Variants in DENND1A observed in about 807,000 individuals in gnomAD.
The protein encoded by DENND1A is DENN domain containing 1A.
Under a neutral mutation model 113.7 loss-of-function variants are expected in DENND1A, and 51 were observed. The ratio of observed to expected loss-of-function variants is 0.45; its 90% CI spans 0.36 to 0.57. The LOEUF is 0.57. Among genes scored for constraint, DENND1A ranks in the 20% least tolerant of loss-of-function variants. The pLI, the probability that DENND1A is intolerant of heterozygous loss-of-function variation, is 0.00. For synonymous variants in DENND1A, 565 were observed against 570.8 expected, an observed-to-expected ratio of 0.99 and a Z score of 0.14; for missense variants, 1,258 against 1,395.9, an observed-to-expected ratio of 0.90 and a Z score of 1.57.
intron 19 of DENND1A, chr9:123,437,711 T>G (rs1484659932): frequency 6.6e-6 from 1 of 152,034 alleles, no homozygotes. Flanking sequence ...TCCAAGCTGG[T>G]GAAGTGGCCC....
chr9:123,723,608 T>G (rs940454411), intron 5 of DENND1A, among the ~76,000 whole-genome samples: 1 of 152,200 alleles, frequency 6.6e-6, no homozygotes, highest in Non-Finnish European at 1.5e-5. Flanking sequence ...ATAAGTCTCA[T>G]GAAATCTGAT....
intron 13 of DENND1A, among the ~76,000 whole-genome samples, chr9:123,546,296 C>T (rs552179943): frequency 2.6e-5 from 4 of 152,226 alleles, no homozygotes; most frequent in East Asian, 1.9e-4. Flanking sequence ...CGCCTGTAAT[C>T]CCAGCACTTT....
At chr9:123,418,915 G>A (rs1434958424) in intron 19 of DENND1A, among the ~76,000 whole-genome samples, 1 of 152,270 alleles carries the variant, frequency 6.6e-6, no homozygotes, top group Non-Finnish European at 1.5e-5. Context: ...GCAGAGGGCA[G>A]ACAGCTGTTT....
intron 9 of DENND1A, among the ~76,000 whole-genome samples, chr9:123,646,658 T>C (rs2062350226): frequency 6.6e-6 from 1 of 152,112 alleles, no homozygotes. Flanking sequence ...TCCTTAGTAC[T>C]TTCCATTTCC....
chr9:123,675,188 A>T (rs1229788459), intron 6 of DENND1A, among the ~76,000 whole-genome samples: 3 of 152,210 alleles, frequency 2.0e-5, no homozygotes, highest in Admixed American at 1.3e-4. Context: ...TTTGCCAGTG[A>T]GTAAATCTAT....
chr9:123,722,797 T>C (rs2067432599), intron 5 of DENND1A, among the ~76,000 whole-genome samples: 1 of 152,230 alleles, frequency 6.6e-6, no homozygotes, highest in African/African-American at 2.4e-5. Context: ...AGGCAGAAGT[T>C]TGCTGCAGGA....
chr9:123,839,306 T>C (rs1363371007), intron 2 of DENND1A, among the ~76,000 whole-genome samples: 1 of 152,174 alleles, frequency 6.6e-6, no homozygotes, highest in Non-Finnish European at 1.5e-5. Context: ...TTCCTGTCCT[T>C]CACTGTACAA....
At chr9:123,631,820 A>G (rs1394244634) in intron 9 of DENND1A, among the ~76,000 whole-genome samples, 1 of 152,226 alleles carries the variant, frequency 6.6e-6, no homozygotes, top group Non-Finnish European at 1.5e-5. Flanking sequence ...AAAATTTAGG[A>G]AACAAAGATA....
At chr9:123,803,492 G>A (rs1025514757) in intron 2 of DENND1A, among the ~76,000 whole-genome samples, 2 of 152,076 alleles carry the variant, frequency 1.3e-5, no homozygotes, top group African/African-American at 2.4e-5. Context: ...AGAGGAATCA[G>A]AAGAGAACTC....
Position 123,381,130 on chromosome 9 carries a change from A to C in DENND1A, c.*302T>G. 3 of 389,368 alleles carry C rather than the reference A, an allele frequency of 7.7e-6. No homozygotes were observed. Among genetic ancestry groups the C allele is most frequent in the South Asian group, 2.7e-5 (1 of 37,618 alleles). The allele number at this position is 389,368 out of a possible 1,614,324, so 24.1% of individuals were successfully genotyped here. On this transcript the variant is annotated 3_prime_UTR_variant, in exon 24 of 24. Coordinates refer to ENST00000394215, the MANE Select transcript of DENND1A (RefSeq NM_001352964.2). This position sits in a 1 kb window ranked among gnomAD's most constrained non-coding sequence, Gnocchi z 4.7. ...GGTGGGTAGGACTCGGTCTGGAGCA[A>C]TATCATTGGCCCAGCTGACCTCTTT...
At chr9:123,495,896 A>G (rs549978235) in intron 13 of DENND1A, among the ~76,000 whole-genome samples, 1 of 152,366 alleles carries the variant, frequency 6.6e-6, no homozygotes, top group East Asian at 1.9e-4. Flanking sequence ...GCTGTCAGAG[A>G]GGACCCGACA....
At chr9:123,434,861 G>A (rs914802574) in intron 19 of DENND1A, among the ~76,000 whole-genome samples, 9 of 152,164 alleles carry the variant, frequency 5.9e-5, no homozygotes, top group South Asian at 2.1e-4. Flanking sequence ...CAGTGGACCC[G>A]GCAAGGCCAC....
At chr9:123,698,944 T>C (rs2065697769) in intron 5 of DENND1A, among the ~76,000 whole-genome samples, 1 of 152,188 alleles carries the variant, frequency 6.6e-6, no homozygotes, top group South Asian at 2.1e-4. Context: ...GAATTTACGG[T>C]GGCAAAAAAC....
At chr9:123,545,673 T>C (rs1380649512) in intron 13 of DENND1A, among the ~76,000 whole-genome samples, 1 of 152,036 alleles carries the variant, frequency 6.6e-6, no homozygotes, top group African/African-American at 2.4e-5. Flanking sequence ...TTCACTGTGT[T>C]AGCCAGGATG....
Position 123,868,868 on chromosome 9 carries a change from C to G in DENND1A, c.88+10083G>C, listed in dbSNP as rs986781475. 4.6e-5 allele frequency among the ~76,000 whole-genome samples: 7 copies of G among 152,128 alleles called. No homozygotes were observed. The East Asian group carries it at 1.3e-3, about 29-fold the overall frequency. ...TTGTTACTTCCTAAGAACAGCAATT[C>G]AAACTCATTCTATATAACCAATTTA... On this transcript the variant is annotated intron_variant, in intron 2 of 23. Transcript: ENST00000394215.
At chr9:123,542,028 G>A (rs1252064740) in intron 13 of DENND1A, among the ~76,000 whole-genome samples, 1 of 152,172 alleles carries the variant, frequency 6.6e-6, no homozygotes, top group Non-Finnish European at 1.5e-5. Flanking sequence ...TCCTCTACCT[G>A]TGTGCCTCCA....
intron 13 of DENND1A, among the ~76,000 whole-genome samples, chr9:123,525,319 A>G (rs532190027): frequency 2.6e-5 from 4 of 152,334 alleles, no homozygotes; most frequent in African/African-American, 9.6e-5. Flanking sequence ...GCTCGGTTAA[A>G]TTTACTCTTG....
At chr9:123,482,773 G>A (rs1364194032) in intron 13 of DENND1A, among the ~76,000 whole-genome samples, 3 of 152,224 alleles carry the variant, frequency 2.0e-5, no homozygotes, top group Admixed American at 6.5e-5. Flanking sequence ...GCATTCCTGG[G>A]AAAGTAACCT....
Position 123,422,825 on chromosome 9 carries a change from C to T in DENND1A, c.1489-10996G>A, listed in dbSNP as rs1218704522. 6.6e-6 allele frequency among the ~76,000 whole-genome samples: 1 copy of T among 152,230 alleles called. No individual in the cohort carries two copies. The highest frequency in any genetic ancestry group is 2.4e-5 in the African/African-American group (1 of 41,540). ...TGACATTTTTATTCATGGTGGCGTA[C>T]GCCCTTGTAATGATCAGCTCTGGTC... On this transcript the variant is annotated intron_variant, in intron 19 of 23. Coordinates refer to ENST00000394215, the MANE Select transcript of DENND1A (RefSeq NM_001352964.2). This position sits in a 1 kb window ranked among gnomAD's most constrained non-coding sequence, Gnocchi z 4.8.
Sources: gnomAD v4.1 joint callset for allele counts (sites outside exome capture counted in the v4.1 genomes callset) on GRCh38, gnomAD v4.1.1 for gene constraint, Gnocchi (gnomAD v3.1) non-coding constraint, MANE v1.5 for transcripts, NCBI Gene and HGNC (gene_info 2026-07-23, HGNC 2026-07-21) for gene names.